The following ENTREP2 variants were observed in gnomAD, a reference collection of about 807,000 sequenced individuals.
ENTREP2 encodes the protein protein ENTREP2.
the ENTREP2 span, among the ~76,000 whole-genome samples, chr15:29,365,701 C>T: frequency 6.6e-6 from 1 of 151,734 alleles, no homozygotes. Context: ...TTTCTGAAGG[C>T]TGCTCTGATT....
chr15:29,194,213 T>C, the ENTREP2 span, among the ~76,000 whole-genome samples: 1 of 152,236 alleles, frequency 6.6e-6, no homozygotes, highest in South Asian at 2.1e-4. Context: ...TCGCTTCCAA[T>C]AGTCCCTGGT....
the ENTREP2 span, among the ~76,000 whole-genome samples, chr15:29,650,581 A>G: frequency 6.6e-6 from 1 of 151,922 alleles, no homozygotes; most frequent in East Asian, 1.9e-4. Context: ...TAACAGAGTG[A>G]GACTCCATCT....
the ENTREP2 span, among the ~76,000 whole-genome samples, chr15:29,562,063 A>G: frequency 6.6e-6 from 1 of 152,230 alleles, no homozygotes; most frequent in Non-Finnish European, 1.5e-5. Context: ...TGCATGAGCC[A>G]AGTCTGCCCA....
the ENTREP2 span, among the ~76,000 whole-genome samples, chr15:29,650,600 A>G: frequency 6.7e-6 from 1 of 149,974 alleles, no homozygotes; most frequent in Non-Finnish European, 1.5e-5. Context: ...CTCAAAAAAA[A>G]CAAAAAACAA....
chr15:29,143,197 T>C, the ENTREP2 span, among the ~76,000 whole-genome samples: 10 of 152,312 alleles, frequency 6.6e-5, 1 homozygote, highest in African/African-American at 2.2e-4. Flanking sequence ...CCTGAGATAA[T>C]TGCTGACTAA....
the ENTREP2 span, among the ~76,000 whole-genome samples, chr15:29,367,921 T>A: frequency 6.9e-6 from 1 of 144,958 alleles, no homozygotes; most frequent in Admixed American, 7.1e-5. Context: ...CACCACATTA[T>A]ATTAGTGAAA....
chr15:29,164,912 TA>T, the ENTREP2 span, among the ~76,000 whole-genome samples: 1 of 152,150 alleles, frequency 6.6e-6, no homozygotes, highest in South Asian at 2.1e-4. Context: ...TTCTCCAAGA[TA>T]GACTATATGA....
the ENTREP2 span, chr15:29,267,652 T>C: frequency 2.0e-5 from 3 of 152,098 alleles, no homozygotes; most frequent in African/African-American, 4.8e-5. Flanking sequence ...CCCCATACAA[T>C]AGAGTGAGAC....
the ENTREP2 span, among the ~76,000 whole-genome samples, chr15:29,577,315 T>C: frequency 2.0e-5 from 2 of 98,672 alleles, no homozygotes; most frequent in African/African-American, 1.2e-4. Context: ...CTCAAAGAGG[T>C]GTGTGTGTGT....
At chr15:29,188,403 C>T in the ENTREP2 span, among the ~76,000 whole-genome samples, 1 of 152,040 alleles carries the variant, frequency 6.6e-6, no homozygotes, top group Non-Finnish European at 1.5e-5. Flanking sequence ...CTAATGCTCT[C>T]CCTCCCCTTG....
At chr15:29,367,947 CAA>C in the ENTREP2 span, among the ~76,000 whole-genome samples, 1,703 of 56,610 alleles carry the variant, frequency 0.03, 49 homozygotes, top group African/African-American at 0.06. Context: ...CAGTTTTCAA[CAA>C]AAAAAAAAAA....
the ENTREP2 span, among the ~76,000 whole-genome samples, chr15:29,181,528 A>T: frequency 6.6e-6 from 1 of 152,134 alleles, no homozygotes; most frequent in African/African-American, 2.4e-5. Flanking sequence ...AAGAAAAGCA[A>T]AGTAGATTTT....
the ENTREP2 span, among the ~76,000 whole-genome samples, chr15:29,132,712 G>A: frequency 6.6e-6 from 1 of 152,166 alleles, no homozygotes; most frequent in Non-Finnish European, 1.5e-5. Flanking sequence ...AACACAACAG[G>A]AACCCATTCC....
the ENTREP2 span, among the ~76,000 whole-genome samples, chr15:29,225,303 C>T: frequency 6.6e-6 from 1 of 152,260 alleles, no homozygotes; most frequent in African/African-American, 2.4e-5. Context: ...AGCATGCTGT[C>T]ACCTCTCAGA....
the ENTREP2 span, among the ~76,000 whole-genome samples, chr15:29,356,268 G>GTGTGTATA: frequency 6.9e-5 from 4 of 57,594 alleles, no homozygotes; most frequent in East Asian, 5.6e-4. Context: ...GTGTGTGTGT[G>GTGTGTATA]TATATATATA....
At chr15:29,425,307 G>A in the ENTREP2 span, among the ~76,000 whole-genome samples, 21,889 of 151,912 alleles carry the variant, frequency 0.14, 1,896 homozygotes, top group East Asian at 0.31. Context: ...CAAAGTGCTG[G>A]GATTACAGGC....
At chr15:29,643,895 C>G in the ENTREP2 span, among the ~76,000 whole-genome samples, 2 of 152,022 alleles carry the variant, frequency 1.3e-5, no homozygotes, top group African/African-American at 4.8e-5. Context: ...ACTGGCCATT[C>G]CTCAAATGGT....
At chr15:29,136,571 C>G in the ENTREP2 span, 1 of 1,509,532 alleles carries the variant, frequency 6.6e-7, no homozygotes, top group South Asian at 1.3e-5. Flanking sequence ...GCTCTCAAAG[C>G]CGCCAGAGCA....
At chr15:29,245,208 C>A in the ENTREP2 span, among the ~76,000 whole-genome samples, 1 of 151,916 alleles carries the variant, frequency 6.6e-6, no homozygotes, top group Non-Finnish European at 1.5e-5. Context: ...CAGGCATCCA[C>A]CAGAGCAAGA....
Sources: allele counts gnomAD v4.1 joint callset (sites outside exome capture counted in the v4.1 genomes callset), GRCh38; gene constraint gnomAD v4.1.1; transcripts MANE v1.5; gene names NCBI Gene and HGNC (gene_info 2026-07-23, HGNC 2026-07-21).